SOX5: variants seen among roughly 807,000 people sequenced by gnomAD.
SOX5 encodes the protein SRY-box transcription factor 5.
Under a neutral mutation model 92.0 loss-of-function variants are expected in SOX5, and 9 were observed. That is an observed-to-expected ratio of 0.10 (90% CI 0.06 to 0.17). The LOEUF is 0.17. SOX5 is among the 10% of genes least tolerant of loss of function. SOX5 has a pLI of 1.00. For missense variants in SOX5, 642 were observed against 944.5 expected (o/e 0.68, Z 4.20); for synonymous variants, 344 against 336.3 (o/e 1.02, Z -0.25).
In SOX5 at chr12:23,687,431, C is replaced by T. The variant is rs183734833; in HGVS notation, c.811-21867G>A. ...ATAAAGAAAAGAAACAACAGCATTGCGTTTTTTAAAAAGCACTTTTCGGAT... is the reference window on the plus strand; with the variant it reads ...ATAAAGAAAAGAAACAACAGCATTGTGTTTTTTAAAAAGCACTTTTCGGAT... On this transcript the variant is annotated intron_variant, in intron 6 of 14. Transcript: ENST00000451604. Among the ~76,000 whole-genome samples the T allele has an allele frequency of 1.1e-4, 16 of 152,000 alleles. No individual in the cohort carries two copies. In the East Asian group the frequency reaches 2.1e-3, roughly 20 times the overall value.
At chr12:23,914,900 G>T (rs868075015) in intron 1 of SOX5, among the ~76,000 whole-genome samples, 1 of 152,040 alleles carries the variant, frequency 6.6e-6, no homozygotes, top group Non-Finnish European at 1.5e-5. Flanking sequence ...ATTAAAGTGA[G>T]TTTACTATTG....
chr12:24,228,651 TGTGTGTGTGC>T (rs60526783), intron 3 of SOX5, among the ~76,000 whole-genome samples: 278 of 152,206 alleles, frequency 1.8e-3, no homozygotes, highest in African/African-American at 5.6e-3. Context: ...AAATATTCTG[TGTGTGTGTGC>T]GTGTGTGTGC....
At chr12:23,804,110 T>C (rs1481437258) in intron 3 of SOX5, among the ~76,000 whole-genome samples, 1 of 152,174 alleles carries the variant, frequency 6.6e-6, no homozygotes, top group Non-Finnish European at 1.5e-5. Flanking sequence ...ATGATCATAT[T>C]TGGAAGTCAA....
Position 24,097,677 on chromosome 12 carries a change from T to A in SOX5, c.-2+115666A>T, listed in dbSNP as rs558517911. Among the ~76,000 whole-genome samples, 63 of 152,268 alleles carry A rather than the reference T, an allele frequency of 4.1e-4. 1 individual carries two copies. In the South Asian group the frequency reaches 0.013, roughly 31 times the overall value. On this transcript the variant is annotated intron_variant, in intron 4 of 4. Coordinates refer to the SOX5 transcript ENST00000446891. ...TCAGGAATGAATTAATTAGCTTCTC[T>A]ATGAACAACCCTCCCTCATGTATAG...
At chr12:24,346,785 G>T (rs1953338702) in intron 2 of SOX5, among the ~76,000 whole-genome samples, 1 of 151,838 alleles carries the variant, frequency 6.6e-6, no homozygotes, top group Admixed American at 6.6e-5. Context: ...AAAAATTTGT[G>T]GTGTACACCG....
chr12:24,315,242 T>C (rs1173308584), intron 2 of SOX5, among the ~76,000 whole-genome samples: 1 of 152,232 alleles, frequency 6.6e-6, no homozygotes, highest in African/African-American at 2.4e-5. Context: ...CATTTCTAGC[T>C]GTCTGTAAAA....
chr12:24,225,118 C>G (rs958761570), intron 3 of SOX5, among the ~76,000 whole-genome samples: 4 of 152,144 alleles, frequency 2.6e-5, no homozygotes, highest in African/African-American at 9.7e-5. Context: ...CAAATTCTAC[C>G]CAGATCAAAA....
intron 2 of SOX5, among the ~76,000 whole-genome samples, chr12:23,891,875 T>G (rs1305593539): frequency 6.6e-6 from 1 of 152,160 alleles, no homozygotes; most frequent in East Asian, 1.9e-4. Flanking sequence ...ACTTTCTGCT[T>G]TCTGGATATA....
intron 3 of SOX5, among the ~76,000 whole-genome samples, chr12:23,780,421 T>C (rs2095251994): frequency 1.3e-5 from 2 of 151,788 alleles, no homozygotes; most frequent in South Asian, 4.1e-4. Context: ...TCTTACAATG[T>C]AGTGAGAGGT....
rs539277614 is a variant in SOX5, at chr12:24,071,225, T to C, written c.-2+142118A>G. ...CCCAATTAATGGCTTAAAAATTAAA[T>C]GCTCACAAAATAACAGTGTTAATAA... On this transcript the variant is annotated intron_variant, in intron 4 of 4. Transcript: ENST00000446891. Among the ~76,000 whole-genome samples, 7 of 152,308 alleles carry C rather than the reference T, an allele frequency of 4.6e-5. 1 individual carries two copies. Among genetic ancestry groups the C allele is most frequent in the African/African-American group, 1.7e-4 (7 of 41,578 alleles).
chr12:24,471,576 G>A (rs982267671), intron 1 of SOX5, among the ~76,000 whole-genome samples: 1 of 152,132 alleles, frequency 6.6e-6, no homozygotes, highest in Non-Finnish European at 1.5e-5. Context: ...TAAATACCTA[G>A]AATCTACTTG....
chr12:23,957,993 AC>A (rs1465270455), intron 4 of SOX5, among the ~76,000 whole-genome samples: 2 of 152,084 alleles, frequency 1.3e-5, no homozygotes, highest in African/African-American at 2.4e-5. Flanking sequence ...AACTGTTAAT[AC>A]CCCTAAATAA....
At chr12:23,725,015 A>G (rs143902587) in intron 6 of SOX5, among the ~76,000 whole-genome samples, 90 of 152,226 alleles carry the variant, frequency 5.9e-4, no homozygotes, top group Non-Finnish European at 1.1e-3. Flanking sequence ...CAGATGTTGG[A>G]CAGAAAACCA....
At chr12:24,210,536 C>T (rs1374999326) in intron 4 of SOX5, among the ~76,000 whole-genome samples, 1 of 152,174 alleles carries the variant, frequency 6.6e-6, no homozygotes, top group Non-Finnish European at 1.5e-5. Context: ...TCTTTCTGGA[C>T]TTACAGAAAG....
At chr12:24,196,189 A>C (rs2139471138) in intron 4 of SOX5, among the ~76,000 whole-genome samples, 1 of 152,314 alleles carries the variant, frequency 6.6e-6, no homozygotes, top group East Asian at 1.9e-4. Flanking sequence ...CTGGCCCATT[A>C]ACTGTGAATA....
chr12:24,263,784 A>G (rs1942615195), intron 3 of SOX5, among the ~76,000 whole-genome samples: 1 of 152,180 alleles, frequency 6.6e-6, no homozygotes, highest in African/African-American at 2.4e-5. Flanking sequence ...TAGCATTTCT[A>G]CTTTCACAGG....
chr12:24,076,698 CCTTTT>C (rs1159641497), intron 4 of SOX5, among the ~76,000 whole-genome samples: 1 of 112,002 alleles, frequency 8.9e-6, no homozygotes, highest in South Asian at 3.6e-4. Flanking sequence ...TCCAAAGCTG[CCTTTT>C]TTTTTTTTTT....
chr12:24,431,935 A>G (rs139797642), intron 1 of SOX5, among the ~76,000 whole-genome samples: 7 of 152,304 alleles, frequency 4.6e-5, no homozygotes, highest in African/African-American at 1.7e-4. Context: ...AAACAGAAGA[A>G]GCATTTTAGG....
intron 11 of SOX5, among the ~76,000 whole-genome samples, chr12:23,559,358 T>C (rs1452072583): frequency 6.6e-6 from 1 of 152,198 alleles, no homozygotes; most frequent in Non-Finnish European, 1.5e-5. Flanking sequence ...TATTTGAATA[T>C]ACAATCAGTC....
Sources: allele counts gnomAD v4.1 joint callset (sites outside exome capture counted in the v4.1 genomes callset), GRCh38; gene constraint gnomAD v4.1.1; transcripts MANE v1.5; gene names NCBI Gene and HGNC (gene_info 2026-07-23, HGNC 2026-07-21).